The following CDC20 variants were observed in gnomAD, a reference collection of about 807,000 sequenced individuals.
The protein encoded by CDC20 is cell division cycle protein 20 homolog.
A neutral mutation model predicts 60.0 loss-of-function variants in CDC20; 34 were observed. The ratio of observed to expected loss-of-function variants is 0.57; its 90% CI spans 0.43 to 0.75. The LOEUF (loss-of-function observed/expected upper bound fraction) is 0.75, where lower values mean the gene tolerates loss of function less well. Among genes scored for constraint, CDC20 ranks in the 30% least tolerant of loss-of-function variants. The probability of loss-of-function intolerance (pLI) is 0.00; values close to 1 mark genes in which losing one functional copy is unlikely to be tolerated. For missense variants in CDC20, 469 were observed against 647.3 expected, an observed-to-expected ratio of 0.72 and a Z score of 2.99; for synonymous variants, 198 against 243.5, an observed-to-expected ratio of 0.81 and a Z score of 1.74.
chr1:43,359,444 C>T (rs1647160204), intron 2 of CDC20, 46 bp from the exon 3 acceptor site: 1 of 1,613,070 alleles, frequency 6.2e-7, no homozygotes, highest in African/African-American at 1.3e-5. Context: ...TTCATACTTT[C>T]TCCCTGGGGA....
chr1:43,363,077 G>A lies in CDC20; in HGVS notation c.1448G>A (p.Arg483Gln), dbSNP rs142588666. 2.9e-5 allele frequency: 46 copies of A among 1,613,586 alleles called. No homozygotes were observed. Among genetic ancestry groups the A allele is most frequent in the African/African-American group, 1.1e-4 (8 of 74,886 alleles). ...FELDPARRRE[R>Q]EKASAAKSSL... Reference sequence around the variant, plus strand: ...TTGGACCCTGCGCGGCGGCGGGAGCGGGAGAAGGCCAGTGCAGCCAAAAGC... The same window carrying A: ...TTGGACCCTGCGCGGCGGCGGGAGCAGGAGAAGGCCAGTGCAGCCAAAAGC... The change falls in exon 11 of 11, where the codon CGG (arginine) becomes CAG (glutamine). Residue 483 changes from arginine (R) to glutamine (Q), a missense_variant. Physicochemically the swap from Arg to Gln is conservative, Grantham distance 43. This residue lies in a region of CDC20 where 72 missense variants were observed against 77.9 expected (regional missense o/e 0.92). Transcript: ENST00000310955.
At chr1:43,359,661 A>T in intron 3 of CDC20, 23 bp downstream of exon 3, 1 of 1,613,988 alleles carries the variant, frequency 6.2e-7, no homozygotes, top group Non-Finnish European at 8.5e-7. Context: ...GAGGGGCTTA[A>T]GGCACGGGAC....
intron 7 of CDC20, 58 bp from the exon 8 acceptor site, chr1:43,360,675 C>T: frequency 1.3e-6 from 2 of 1,581,380 alleles, no homozygotes; most frequent in Non-Finnish European, 1.7e-6. Context: ...TGAACCAGCT[C>T]TGGCTTGCTT....
chr1:43,361,885 C>T (rs1647174051), intron 9 of CDC20, among the ~76,000 whole-genome samples: 1 of 152,232 alleles, frequency 6.6e-6, no homozygotes, highest in East Asian at 1.9e-4. Context: ...AAAATTCTGG[C>T]TCTGTCATCT....
At position 43,361,213 on chromosome 1, in the gene CDC20, G is replaced by T. The variant is rs779426473; in HGVS notation, c.1171G>T (p.Ala391Ser). Residue 391 changes from alanine (A) to serine (S), a missense_variant, in exon 9 of 11, where the codon GCC (alanine) becomes TCC (serine). Coordinates refer to ENST00000310955, the MANE Select transcript of CDC20 (RefSeq NM_001255.3). ...TCGCATCTGGAATGTGTGCTCTGGG[G>T]CCTGTCTGAGTGCCGTGGATGCCCA... is the stretch of plus-strand genomic sequence containing the variant. ...HIRIWNVCSG[A>S]CLSAVDAHSQ... 1.1e-5 allele frequency: 18 copies of T among 1,612,214 alleles called. No homozygotes were observed. In the South Asian group the frequency reaches 1.9e-4, roughly 17 times the overall value.
Position 43,362,176 on chromosome 1 carries a change from C to T in CDC20, c.1204-19C>T, listed in dbSNP as rs185755685. ...TAGCCTTGGCTATATGTCATGCCCA[C>T]ACCAGCTCCTCTCCACAGGTGTGCT... On this transcript the variant is annotated intron_variant, in intron 9 of 10. Transcript: ENST00000310955. 4.0e-4 allele frequency: 597 copies of T among 1,507,160 alleles called. 6 individuals carry two copies. In the African/African-American group the frequency reaches 7.3e-3, roughly 19 times the overall value. The allele number at this position is 1,507,160 out of a possible 1,614,324, so 93.4% of individuals were successfully genotyped here. A position where few individuals can be genotyped will look rare whatever the true frequency, so the allele number is the denominator to read the frequency against.
In CDC20 at chr1:43,360,949, A is replaced by G; in HGVS notation, c.1065A>G (p.Gln355=). ...WVPLQTFTQH[Q]GAVKAVAWCP... is the part of the protein sequence containing the mutation. ...CTCTGCAGACATTCACCCAGCATCA[A>G]GGGGCTGTCAAGGTGAGTAGGGTTG... Residue 355 remains glutamine, a synonymous_variant, in exon 8 of 11, where the codon CAA becomes CAG. Coordinates refer to ENST00000310955, the MANE Select transcript of CDC20 (RefSeq NM_001255.3). 3.1e-6 allele frequency: 5 copies of G among 1,613,738 alleles called. No homozygotes were observed. The highest frequency in any genetic ancestry group is 4.2e-6 in the Non-Finnish European group (5 of 1,179,714).
chr1:43,359,912 T>TTGAG (rs145443590), intron 4 of CDC20, 57 bp from the exon 5 acceptor site: 77,934 of 1,612,090 alleles, frequency 0.048, 2,242 homozygotes, highest in South Asian at 0.082. Context: ...CTATCTAAGA[T>TTGAG]TGAGGGCAAG....
rs1309457938 is a variant in CDC20 at position 43,360,319 on chromosome 1, A to G, written c.683A>G (p.Tyr228Cys). The change falls in exon 6 of 11, where the codon TAT (tyrosine) becomes TGT (cysteine). Residue 228 changes from tyrosine to cysteine, a missense_variant. This residue lies in a region of CDC20 where 255 missense variants were observed against 326.7 expected (regional missense o/e 0.78). Transcript: ENST00000310955. ...TTGCAAATGGAGCAGCCTGGGGAAT[A>G]TATATCCTCTGTGGCCTGGATCAAA... ...QLLQMEQPGEYISSVAWIKEG... is the reference protein window; with the variant it reads ...QLLQMEQPGECISSVAWIKEG... The G allele has an allele frequency of 6.2e-7, 1 of 1,614,154 alleles. No homozygotes were observed. Among genetic ancestry groups the G allele is most frequent in the Admixed American group, 1.7e-5 (1 of 60,016 alleles).
chr1:43,362,585 C>G (rs907802232), intron 10 of CDC20, among the ~76,000 whole-genome samples: 1 of 152,086 alleles, frequency 6.6e-6, no homozygotes, highest in African/African-American at 2.4e-5. Context: ...AGGGAGGAGG[C>G]CAGGCACGGT....
At position 43,362,242 on chromosome 1, in the gene CDC20, C is replaced by G; in HGVS notation, c.1251C>G (p.Gly417=). Residue 417 remains glycine (G), a synonymous_variant, in exon 10 of 11, where the codon GGC becomes GGG. Coordinates refer to ENST00000310955, the MANE Select transcript of CDC20 (RefSeq NM_001255.3). ...CCCATTACAAGGAGCTCATCTCAGG[C>G]CATGGCTTTGCACAGAACCAGCTAG... ...WSPHYKELIS[G]HGFAQNQLVI... 1 of 1,612,930 alleles carries G rather than the reference C, an allele frequency of 6.2e-7. No individual in the cohort carries two copies. Among genetic ancestry groups the G allele is most frequent in the Middle Eastern group, 1.7e-4 (1 of 6,056 alleles).
At position 43,359,280 on chromosome 1, in the gene CDC20, A is replaced by G. The variant is rs777078487; in HGVS notation, c.65A>G (p.Asn22Ser). 2.1e-5 allele frequency: 34 copies of G among 1,612,170 alleles called. No individual in the cohort carries two copies. In the Middle Eastern group the frequency reaches 5.8e-4, roughly 27 times the overall value. ...SLLQLDAPIP[N>S]APPARWQRKA... Reference sequence around the variant, plus strand: ...CTTCAGCTGGATGCACCCATCCCCAATGCACCCCCTGCGCGCTGGCAGCGC... The same window carrying G: ...CTTCAGCTGGATGCACCCATCCCCAGTGCACCCCCTGCGCGCTGGCAGCGC... Residue 22 changes from asparagine (N) to serine (S), a missense_variant, in exon 2 of 11, where the codon AAT (asparagine) becomes AGT (serine). Physicochemically the swap from Asn to Ser is conservative, Grantham distance 46 (BLOSUM62 1). Around this residue, in one of 5 missense-constraint regions of CDC20, gnomAD observed 115 missense variants for 156.1 expected, o/e 0.74. Coordinates refer to ENST00000310955, the MANE Select transcript of CDC20 (RefSeq NM_001255.3).
In CDC20 at chr1:43,363,201, A is replaced by T. The variant is rs965760857; in HGVS notation, c.*72A>T. On this transcript the variant is annotated 3_prime_UTR_variant, in exon 11 of 11. Transcript: ENST00000310955. ...ATGTCTCCCTTCATGTTTTTTTTTT[A>T]AATCTGTTTCAGCTAATGCCTTTCT... 205 of 1,394,444 alleles carry T rather than the reference A, an allele frequency of 1.5e-4. No homozygotes were observed. Among genetic ancestry groups the T allele is most frequent in the Non-Finnish European group, 1.9e-4 (191 of 998,474 alleles). The allele number at this position is 1,394,444 out of a possible 1,614,324, so 86.4% of individuals were successfully genotyped here.
chr1:43,359,573 G>T lies in CDC20; in HGVS notation c.265G>T (p.Glu89Ter). The T allele has an allele frequency of 6.2e-7, 1 of 1,614,074 alleles. No individual in the cohort carries two copies. Among genetic ancestry groups the T allele is most frequent in the Non-Finnish European group, 8.5e-7 (1 of 1,180,030 alleles). Residue 89 changes from glutamate to a stop codon, truncating the protein, a stop_gained, in exon 3 of 11, where the codon GAG becomes TAG. Transcript: ENST00000310955. LOFTEE classifies it high-confidence loss of function. ...YIPHRSAAQM[E>*]VASFLLSKEN... ...CCCCCATCGCAGTGCTGCCCAGATGGAGGTGGCCAGCTTCCTCCTGAGCAA... is the reference window on the plus strand; with the variant it reads ...CCCCCATCGCAGTGCTGCCCAGATGTAGGTGGCCAGCTTCCTCCTGAGCAA...
At position 43,359,480 on chromosome 1, in the gene CDC20, T is replaced by C. The variant is rs942598504; in HGVS notation, c.182-10T>C. On this transcript the variant is annotated splice_polypyrimidine_tract_variant and intron_variant, in intron 2 of 10. Coordinates refer to ENST00000310955, the MANE Select transcript of CDC20 (RefSeq NM_001255.3). ...GCCTGGTCAGACTGTCTTCTCTTTC[T>C]CCGCCCCAGGCAAATCCAGTTCCAA... 8.7e-6 allele frequency: 14 copies of C among 1,614,070 alleles called. No homozygotes were observed. Among genetic ancestry groups the C allele is most frequent in the Non-Finnish European group, 1.2e-5 (14 of 1,180,000 alleles).
At position 43,359,602 on chromosome 1, in the gene CDC20, G is replaced by A. The variant is rs1041531002; in HGVS notation, c.294G>A (p.Glu98=). The A allele has an allele frequency of 1.2e-5, 20 of 1,613,804 alleles. No homozygotes were observed. The highest frequency in any genetic ancestry group is 1.6e-5 in the Non-Finnish European group (19 of 1,180,044). The part of the protein sequence containing the change: ...MEVASFLLSK[E]NQPENSQTPT... ...TGGCCAGCTTCCTCCTGAGCAAGGAGAACCAGCCTGAAAACAGCCAGACGC... is the reference window on the plus strand; with the variant it reads ...TGGCCAGCTTCCTCCTGAGCAAGGAAAACCAGCCTGAAAACAGCCAGACGC... Residue 98 remains glutamate (E), a synonymous_variant, in exon 3 of 11, where the codon GAG becomes GAA. Coordinates refer to ENST00000310955, the MANE Select transcript of CDC20 (RefSeq NM_001255.3).
chr1:43,362,843 T>C (rs1647178861), intron 10 of CDC20, 108 bp from the exon 11 acceptor site: 1 of 779,852 alleles, frequency 1.3e-6, no homozygotes, highest in South Asian at 1.9e-5. Flanking sequence ...CCAGCCTGGG[T>C]GACAGAGCAA....
intron 5 of CDC20, 28 bp downstream of exon 5, chr1:43,360,125 G>GCCT: frequency 6.2e-7 from 1 of 1,614,170 alleles, no homozygotes; most frequent in Non-Finnish European, 8.5e-7. Context: ...CTCGCCTCAT[G>GCCT]CATGGAGAAA....
At position 43,361,158 on chromosome 1, in the gene CDC20, A is replaced by G; in HGVS notation, c.1116A>G (p.Ala372=). 1 of 1,614,038 alleles carries G rather than the reference A, an allele frequency of 6.2e-7. No homozygotes were observed. ...AWCPWQSNVL[A]TGGGTSDRHI... ...GTCCCTGGCAGTCCAATGTCCTGGCAACAGGAGGGGGCACCAGTGATCGAC... is the reference window on the plus strand; with the variant it reads ...GTCCCTGGCAGTCCAATGTCCTGGCGACAGGAGGGGGCACCAGTGATCGAC... The change falls in exon 9 of 11, where the codon GCA becomes GCG. Residue 372 remains alanine (A), a synonymous_variant. Transcript: ENST00000310955.
Sources: allele counts gnomAD v4.1 joint callset (sites outside exome capture counted in the v4.1 genomes callset), GRCh38; gene constraint gnomAD v4.1.1; regional missense constraint gnomAD v4.1.1; transcripts MANE v1.5; gene names NCBI Gene and HGNC (gene_info 2026-07-23, HGNC 2026-07-21).